CD200R1L: variants seen among roughly 807,000 people sequenced by gnomAD.
CD200R1L encodes the protein cell surface glycoprotein CD200 receptor 2.
Under a neutral mutation model 24.8 loss-of-function variants are expected in CD200R1L, and 14 were observed. That is an observed-to-expected ratio of 0.56 (90% CI 0.37 to 0.88). CD200R1L has a LOEUF of 0.88. Ranked by LOEUF, CD200R1L falls within the 40% of genes least tolerant of loss-of-function variation. The pLI, the probability that CD200R1L is intolerant of heterozygous loss-of-function variation, is 0.00. For missense variants in CD200R1L, 299 were observed against 297.8 expected, an observed-to-expected ratio of 1.00 and a Z score of -0.03; for synonymous variants, 111 against 109.2, an observed-to-expected ratio of 1.02 and a Z score of -0.11.
chr3:112,826,442 C>A (rs1938658691), intron 6 of CD200R1L, among the ~76,000 whole-genome samples: 1 of 152,046 alleles, frequency 6.6e-6, no homozygotes, highest in South Asian at 2.1e-4. Flanking sequence ...AGCTGGTGAA[C>A]AAAAAGCCAT....
intron 2 of CD200R1L, among the ~76,000 whole-genome samples, chr3:112,840,879 T>C (rs1197789367): frequency 6.6e-6 from 1 of 152,168 alleles, no homozygotes; most frequent in East Asian, 1.9e-4. Context: ...ATAAATTATA[T>C]ACATATTTTA....
chr3:112,834,307 G>A (rs565394383), intron 3 of CD200R1L, among the ~76,000 whole-genome samples: 2 of 148,616 alleles, frequency 1.3e-5, no homozygotes, highest in African/African-American at 2.5e-5. Context: ...GCATGACCTC[G>A]GCTCACTGCA....
chr3:112,825,830 G>C (rs1938643834), intron 6 of CD200R1L, among the ~76,000 whole-genome samples: 1 of 152,156 alleles, frequency 6.6e-6, no homozygotes, highest in African/African-American at 2.4e-5. Context: ...TTTAGAATTT[G>C]GGTTGAATGT....
chr3:112,835,533 A>G (rs1170415932), intron 3 of CD200R1L, among the ~76,000 whole-genome samples: 1 of 152,234 alleles, frequency 6.6e-6, no homozygotes, highest in Non-Finnish European at 1.5e-5. Context: ...CAGAAAAAGC[A>G]CTACAAGTTC....
At chr3:112,826,116 T>G (rs1426435327) in intron 6 of CD200R1L, among the ~76,000 whole-genome samples, 1 of 150,742 alleles carries the variant, frequency 6.6e-6, no homozygotes, top group Non-Finnish European at 1.5e-5. Context: ...AGAACAAACA[T>G]GAAAGATATT....
chr3:112,844,825 G>A (rs996094448), intron 2 of CD200R1L, among the ~76,000 whole-genome samples: 1 of 152,126 alleles, frequency 6.6e-6, no homozygotes. Context: ...TCAGGAGGCT[G>A]AGGCAAGAGA....
chr3:112,816,190 G>C (rs906332502), intron 7 of CD200R1L, among the ~76,000 whole-genome samples: 1 of 152,134 alleles, frequency 6.6e-6, no homozygotes, highest in African/African-American at 2.4e-5. Context: ...GGCAACAATT[G>C]CTTATATGCC....
At chr3:112,829,232 G>C (rs1251328701) in intron 4 of CD200R1L, 87 bp downstream of exon 4, 1 of 1,009,982 alleles carries the variant, frequency 9.9e-7, no homozygotes, top group African/African-American at 1.6e-5. Context: ...CACAAGGCTG[G>C]CCTCCAGCCA....
intron 3 of CD200R1L, among the ~76,000 whole-genome samples, chr3:112,834,732 G>A (rs995342578): frequency 6.6e-6 from 1 of 152,198 alleles, no homozygotes; most frequent in Admixed American, 6.5e-5. Context: ...TGCCAAGGAC[G>A]AGCCAGGCAC....
chr3:112,830,328 C>G (rs900936991), intron 3 of CD200R1L, among the ~76,000 whole-genome samples: 4 of 151,946 alleles, frequency 2.6e-5, no homozygotes, highest in African/African-American at 9.7e-5. Flanking sequence ...TAGGGATAGC[C>G]AAGACCCTTT....
At chr3:112,818,852 C>T (rs1257976634) in intron 7 of CD200R1L, 1 of 154,420 alleles carries the variant, frequency 6.5e-6, no homozygotes, top group East Asian at 1.9e-4. Context: ...TGCATGTGTA[C>T]TTACACTGTA....
intron 2 of CD200R1L, among the ~76,000 whole-genome samples, chr3:112,839,294 C>A (rs1450765087): frequency 6.6e-6 from 1 of 152,134 alleles, no homozygotes; most frequent in East Asian, 1.9e-4. Flanking sequence ...AGAGGGCACA[C>A]TGATAGTCCA....
chr3:112,818,387 A>G (rs1403107102), intron 7 of CD200R1L, among the ~76,000 whole-genome samples: 1 of 152,244 alleles, frequency 6.6e-6, no homozygotes, highest in African/African-American at 2.4e-5. Context: ...GGGGAACTTC[A>G]GAGTCATCTT....
In CD200R1L at chr3:112,827,504, A is replaced by G. The variant is rs757988215; in HGVS notation, c.230T>C (p.Ile77Thr). 5 of 1,614,140 alleles carry G rather than the reference A, an allele frequency of 3.1e-6. No homozygotes were observed. The highest frequency in any genetic ancestry group is 2.2e-5 in the South Asian group (2 of 91,080). ...TKETNCTVER[I>T]TWVSRPDQNS... Reference sequence around the variant, plus strand: ...CTGATCAGGTCTAGAGACCCAGGTTATTCTCTCAACAGTACAGTTGGTTTC... The same window carrying G: ...CTGATCAGGTCTAGAGACCCAGGTTGTTCTCTCAACAGTACAGTTGGTTTC... Residue 77 changes from isoleucine (I) to threonine (T), a missense_variant, in exon 5 of 8, where the codon ATA becomes ACA. By Grantham distance (89) the Ile-to-Thr change is moderately conservative. Coordinates refer to ENST00000488794, the MANE Select transcript of CD200R1L (RefSeq NM_001199215.3).
intron 2 of CD200R1L, among the ~76,000 whole-genome samples, chr3:112,842,323 A>C (rs1417072198): frequency 2.0e-5 from 3 of 152,248 alleles, no homozygotes; most frequent in African/African-American, 7.2e-5. Flanking sequence ...GACATTTATC[A>C]GTTCCCAAAT....
At chr3:112,845,153 GA>G (rs982764403) in intron 2 of CD200R1L, among the ~76,000 whole-genome samples, 3 of 149,272 alleles carry the variant, frequency 2.0e-5, no homozygotes, top group East Asian at 2.0e-4. Context: ...GATTAACAAA[GA>G]AAAAAAAAGA....
At chr3:112,843,623 G>A (rs1034532665) in intron 2 of CD200R1L, among the ~76,000 whole-genome samples, 3 of 152,168 alleles carry the variant, frequency 2.0e-5, no homozygotes, top group African/African-American at 7.2e-5. Flanking sequence ...TTAAGACATA[G>A]CCCTATAAAG....
chr3:112,827,434 C>A lies in CD200R1L; in HGVS notation c.300G>T (p.Gly100=). 2 of 1,614,158 alleles carry A rather than the reference C, an allele frequency of 1.2e-6. No individual in the cohort carries two copies. The highest frequency in any genetic ancestry group is 1.7e-6 in the Non-Finnish European group (2 of 1,180,020). ...GTGTTACCACTATGCCTCTGTAATA[C>A]CCGTCATGAGTGGTGTCCACCGGAC... The part of the protein sequence containing the change: ...QIRPVDTTHD[G]YYRGIVVTPD... The change falls in exon 5 of 8, where the codon GGG becomes GGT. Residue 100 remains glycine, a synonymous_variant. Coordinates refer to ENST00000488794, the MANE Select transcript of CD200R1L (RefSeq NM_001199215.3).
chr3:112,816,030 A>T, intron 7 of CD200R1L, 55 bp from the exon 8 acceptor site: 2 of 775,234 alleles, frequency 2.6e-6, no homozygotes, highest in Non-Finnish European at 4.8e-6. Context: ...AGCTTATGCA[A>T]GTGGGCATAC....
Sources: allele counts gnomAD v4.1 joint callset (sites outside exome capture counted in the v4.1 genomes callset), GRCh38; gene constraint gnomAD v4.1.1; transcripts MANE v1.5; gene names NCBI Gene and HGNC (gene_info 2026-07-23, HGNC 2026-07-21).